Variants in GHR observed in about 807,000 individuals in gnomAD.
GHR encodes the protein GH receptor.
In GHR, 35 loss-of-function variants were observed where a neutral mutation model predicts 67.1. The ratio of observed to expected loss-of-function variants is 0.52; its 90% CI spans 0.40 to 0.69. The LOEUF is 0.69. GHR is among the 30% of genes least tolerant of loss of function. GHR has a pLI of 0.00. For synonymous variants in GHR, 272 were observed against 269.1 expected, an observed-to-expected ratio of 1.01 and a Z score of -0.10; for missense variants, 792 against 764.6, an observed-to-expected ratio of 1.04 and a Z score of -0.42.
rs147488026 is a variant in GHR at position 42,638,674 on chromosome 5, G to A, written c.136+9571G>A. 5.8e-4 allele frequency among the ~76,000 whole-genome samples: 89 copies of A among 152,190 alleles called. 2 individuals are homozygous for A. Among genetic ancestry groups the A allele is most frequent in the African/African-American group, 2.0e-3 (83 of 41,516 alleles). On this transcript the variant is annotated intron_variant, in intron 3 of 9. Transcript: ENST00000230882. ...ACGACTATCATATATGCAGTCTGTC[G>A]TTGACCAAAACATCATTATACAGCA...
chr5:42,506,691 T>C (rs976041963), intron 1 of GHR, among the ~76,000 whole-genome samples: 20 of 152,330 alleles, frequency 1.3e-4, no homozygotes, highest in African/African-American at 4.8e-4. Context: ...TTGATGTTTA[T>C]TTGATGTCGA....
chr5:42,447,936 A>G (rs543107530), intron 1 of GHR, among the ~76,000 whole-genome samples: 7 of 151,640 alleles, frequency 4.6e-5, no homozygotes, highest in African/African-American at 1.5e-4. Flanking sequence ...TACTTTTTCT[A>G]TCTTTAGTAG....
chr5:42,618,668 A>T (rs1265955188), intron 2 of GHR, among the ~76,000 whole-genome samples: 2 of 152,182 alleles, frequency 1.3e-5, no homozygotes, highest in Non-Finnish European at 2.9e-5. Context: ...AGGCAATCGT[A>T]ATCAGAAGCA....
At chr5:42,600,789 T>C (rs970427879) in intron 2 of GHR, among the ~76,000 whole-genome samples, 1 of 152,204 alleles carries the variant, frequency 6.6e-6, no homozygotes, top group Non-Finnish European at 1.5e-5. Context: ...AATGTCATGC[T>C]ACGCTCTAGC....
intron 5 of GHR, among the ~76,000 whole-genome samples, chr5:42,697,393 A>G (rs1160053626): frequency 6.6e-6 from 1 of 152,236 alleles, no homozygotes; most frequent in Admixed American, 6.5e-5. Flanking sequence ...GAAAGCGACA[A>G]TGCTATGGAG....
At position 42,595,315 on chromosome 5, in the gene GHR, G is replaced by A. The variant is rs115500972; in HGVS notation, c.70+29371G>A. Among the ~76,000 whole-genome samples the A allele has an allele frequency of 8.7e-4, 132 of 152,276 alleles. 1 individual carries two copies. Among genetic ancestry groups the A allele is most frequent in the African/African-American group, 2.9e-3 (120 of 41,544 alleles). ...TGGGCAAAATGTATAATATCTGTGG[G>A]AGAAATGCTCAATGCTGCAGTAAAA... On this transcript the variant is annotated intron_variant, in intron 2 of 9. Transcript: ENST00000230882.
At chr5:42,489,539 T>C (rs941659303) in intron 1 of GHR, among the ~76,000 whole-genome samples, 1 of 152,184 alleles carries the variant, frequency 6.6e-6, no homozygotes, top group African/African-American at 2.4e-5. Flanking sequence ...TTTTATGCAT[T>C]GATTGCCATT....
At chr5:42,455,224 T>G (rs1326992027) in intron 1 of GHR, among the ~76,000 whole-genome samples, 1 of 152,210 alleles carries the variant, frequency 6.6e-6, no homozygotes, top group African/African-American at 2.4e-5. Context: ...CTTTGGGAAC[T>G]CATTGCTTTT....
At chr5:42,547,244 A>G (rs1388391751) in intron 1 of GHR, among the ~76,000 whole-genome samples, 1 of 152,152 alleles carries the variant, frequency 6.6e-6, no homozygotes, top group Admixed American at 6.5e-5. Context: ...AGGCAGAAGG[A>G]GTCTTGTAAC....
chr5:42,531,589 T>G (rs1747971781), intron 1 of GHR, among the ~76,000 whole-genome samples: 1 of 152,078 alleles, frequency 6.6e-6, no homozygotes, highest in Non-Finnish European at 1.5e-5. Context: ...ATCCACAGAT[T>G]TTTGAAGTTC....
chr5:42,634,769 G>A (rs941496336), intron 3 of GHR, among the ~76,000 whole-genome samples: 4 of 152,102 alleles, frequency 2.6e-5, no homozygotes, highest in Non-Finnish European at 4.4e-5. Flanking sequence ...GTCATGGGTC[G>A]GTCTTGGATA....
chr5:42,522,173 A>T (rs181460953), intron 1 of GHR, among the ~76,000 whole-genome samples: 2 of 152,300 alleles, frequency 1.3e-5, no homozygotes, highest in East Asian at 3.9e-4. Context: ...TTGTAATTTT[A>T]AAAAAGGCCA....
chr5:42,681,785 A>T (rs983473125), intron 3 of GHR, among the ~76,000 whole-genome samples: 14 of 151,894 alleles, frequency 9.2e-5, no homozygotes, highest in East Asian at 3.9e-4. Flanking sequence ...AAATACAAAA[A>T]ATTAGGCAGG....
intron 1 of GHR, among the ~76,000 whole-genome samples, chr5:42,448,706 C>A (rs1026883382): frequency 6.6e-6 from 1 of 151,354 alleles, no homozygotes; most frequent in Non-Finnish European, 1.5e-5. Flanking sequence ...GAGTTCTTTG[C>A]CTAAGCCAAT....
chr5:42,663,734 G>T (rs747911909), intron 3 of GHR, among the ~76,000 whole-genome samples: 1 of 152,198 alleles, frequency 6.6e-6, no homozygotes, highest in Non-Finnish European at 1.5e-5. Flanking sequence ...AGTGTTGGAA[G>T]TTCTGGCCAG....
chr5:42,610,964 G>A (rs536573476), intron 2 of GHR, among the ~76,000 whole-genome samples: 74 of 152,292 alleles, frequency 4.9e-4, no homozygotes, highest in Middle Eastern at 6.8e-3. Context: ...CTTGAGAGAT[G>A]CATTTTCATA....
At chr5:42,448,830 C>T (rs1270010741) in intron 1 of GHR, among the ~76,000 whole-genome samples, 1 of 152,026 alleles carries the variant, frequency 6.6e-6, no homozygotes, top group Non-Finnish European at 1.5e-5. Context: ...GGATGAGGAT[C>T]CAGTTTCATC....
rs930581353 is a variant in GHR, at chr5:42,548,582, G to A, written c.-11-17282G>A. ...GTTTGATTAAAAGGCTGATAGTCAG[G>A]GTTTTTTTTTTCTTACTTTTGCATT... On this transcript the variant is annotated intron_variant, in intron 1 of 9. Coordinates refer to ENST00000230882, the MANE Select transcript of GHR (RefSeq NM_000163.5). 5 of 801,038 alleles carry A rather than the reference G, an allele frequency of 6.2e-6. No individual in the cohort carries two copies. In the African/African-American group the frequency reaches 7.5e-5, roughly 12 times the overall value. 49.6% of individuals were successfully genotyped at this position (801,038 alleles called of 1,614,324 possible). A position where few individuals can be genotyped will look rare whatever the true frequency, so the allele number is the denominator to read the frequency against.
At chr5:42,468,428 A>G (rs543393481) in intron 1 of GHR, 1 of 1,026,456 alleles carries the variant, frequency 9.7e-7, no homozygotes. Flanking sequence ...GTTTCCTCCC[A>G]GGGCCAAGAT....
Sources: allele counts gnomAD v4.1 joint callset (sites outside exome capture counted in the v4.1 genomes callset), GRCh38; gene constraint gnomAD v4.1.1; transcripts MANE v1.5; gene names NCBI Gene and HGNC (gene_info 2026-07-23, HGNC 2026-07-21).